Variants in ANAPC4 observed in about 807,000 individuals in gnomAD.
ANAPC4 encodes anaphase-promoting complex subunit 4.
Under a neutral mutation model 119.8 loss-of-function variants are expected in ANAPC4, and 63 were observed. That is an observed-to-expected ratio of 0.53 (90% CI 0.43 to 0.65). The LOEUF (loss-of-function observed/expected upper bound fraction) is 0.65. Ranked by LOEUF, ANAPC4 falls within the 30% of genes least tolerant of loss-of-function variation. The probability of loss-of-function intolerance (pLI) is 0.00; values close to 1 mark genes in which losing one functional copy is unlikely to be tolerated. For missense variants in ANAPC4, 716 were observed against 945.1 expected, an observed-to-expected ratio of 0.76 and a Z score of 3.18; for synonymous variants, 283 against 318.6, an observed-to-expected ratio of 0.89 and a Z score of 1.19.
At chr4:25,399,219 A>G (rs1463934441) in intron 16 of ANAPC4, among the ~76,000 whole-genome samples, 4 of 152,204 alleles carry the variant, frequency 2.6e-5, no homozygotes, top group Non-Finnish European at 4.4e-5. Flanking sequence ...ACCACAGTAC[A>G]GTTAACAAAT....
chr4:25,395,016 C>G, intron 14 of ANAPC4, 111 bp downstream of exon 14: 1 of 793,698 alleles, frequency 1.3e-6, no homozygotes, highest in Non-Finnish European at 2.0e-6. Context: ...CCTTTTCTAG[C>G]TAAAATTGTT....
intron 10 of ANAPC4, among the ~76,000 whole-genome samples, chr4:25,393,399 C>T (rs1463920872): frequency 6.6e-6 from 1 of 152,144 alleles, no homozygotes; most frequent in Non-Finnish European, 1.5e-5. Flanking sequence ...CAGTGGCGCA[C>T]ACCTATAATC....
Position 25,417,661 on chromosome 4 carries a change from T to C in ANAPC4, c.2121T>C (p.Phe707=), listed in dbSNP as rs9174. The change falls in exon 28 of 29, where the codon TTT becomes TTC. Residue 707 remains phenylalanine (F), a synonymous_variant. Transcript: ENST00000315368. ...CSAIPTRTMH[F]EKHWRLLESM... ...CTATTCCCACCCGTACCATGCATTT[T>C]GAGAAGCACTGGAGATTACTGGAAA... 925,966 of 1,612,298 alleles carry C rather than the reference T, an allele frequency of 0.57. 269,411 individuals carry two copies. Among genetic ancestry groups the C allele is most frequent in the African/African-American group, 0.62 (46,215 of 74,826 alleles).
intron 22 of ANAPC4, 126 bp downstream of exon 22, chr4:25,413,868 A>T: frequency 1.3e-6 from 1 of 765,542 alleles, no homozygotes; most frequent in Non-Finnish European, 2.1e-6. Flanking sequence ...ACTGTTTTTG[A>T]TTAACAAAAG....
chr4:25,395,024 G>T, intron 14 of ANAPC4, 119 bp downstream of exon 14: 1 of 717,472 alleles, frequency 1.4e-6, no homozygotes. Context: ...AGCTAAAATT[G>T]TTGCATGGCA....
chr4:25,416,713 C>A, intron 27 of ANAPC4, 115 bp downstream of exon 27: 1 of 784,686 alleles, frequency 1.3e-6, no homozygotes, highest in Non-Finnish European at 1.8e-6. Context: ...TAGAGATAAC[C>A]ACAGAGGTAG....
intron 16 of ANAPC4, among the ~76,000 whole-genome samples, chr4:25,398,934 G>C (rs574404598): frequency 6.6e-6 from 1 of 150,782 alleles, no homozygotes; most frequent in Non-Finnish European, 1.5e-5. Flanking sequence ...TTAGGGAGGG[G>C]GAGTGTAGAG....
rs112398271 is a variant in ANAPC4, at chr4:25,384,422, C to T, written c.368+1029C>T. Among the ~76,000 whole-genome samples the T allele has an allele frequency of 7.6e-3, 1,151 of 152,348 alleles. 9 individuals are homozygous for T. The highest frequency in any genetic ancestry group is 0.023 in the African/African-American group (974 of 41,584). On this transcript the variant is annotated intron_variant, in intron 4 of 28. Coordinates refer to ENST00000315368, the MANE Select transcript of ANAPC4 (RefSeq NM_013367.3). ...CATGAATTGTGAATGTTCTTAATGA[C>T]ATCCAGAATGGTGAATCCTTTCTAG...
At chr4:25,408,580 G>C (rs988182930) in intron 20 of ANAPC4, among the ~76,000 whole-genome samples, 5 of 150,598 alleles carry the variant, frequency 3.3e-5, no homozygotes, top group African/African-American at 1.2e-4. Flanking sequence ...GAGTAGTACA[G>C]TGGTGCAATC....
Position 25,418,344 on chromosome 4 carries a change from A to G in ANAPC4, c.2389A>G (p.Ile797Val). Residue 797 changes from isoleucine to valine, a missense_variant, in exon 29 of 29, where the codon ATT (isoleucine) becomes GTT (valine). Around this residue, in one of 3 missense-constraint regions of ANAPC4, gnomAD observed 504 missense variants for 615.8 expected, o/e 0.82. Coordinates refer to ENST00000315368, the MANE Select transcript of ANAPC4 (RefSeq NM_013367.3). ...GAAALAPEIV[I>V]KVEKLDPELD... Reference sequence around the variant, plus strand: ...TGCCGCTTTAGCTCCAGAGATAGTCATTAAAGTGGAAAAACTTGACCCTGA... The same window carrying G: ...TGCCGCTTTAGCTCCAGAGATAGTCGTTAAAGTGGAAAAACTTGACCCTGA... 1 of 1,614,098 alleles carries G rather than the reference A, an allele frequency of 6.2e-7. No homozygotes were observed. The highest frequency in any genetic ancestry group is 8.5e-7 in the Non-Finnish European group (1 of 1,179,954).
In ANAPC4 at chr4:25,414,650, A is replaced by G. The variant is rs376430898; in HGVS notation, c.1776A>G (p.Glu592=). ...NLHYLLFTIL[E]DSLYKMCILR... ...ATTATCTTCTTTTTACTATTCTAGAAGATTCACTTTATAAAATGTGCATCT... is the reference window on the plus strand; with the variant it reads ...ATTATCTTCTTTTTACTATTCTAGAGGATTCACTTTATAAAATGTGCATCT... The change falls in exon 25 of 29, where the codon GAA becomes GAG. Residue 592 remains glutamate (E), a synonymous_variant. Transcript: ENST00000315368. 1 of 1,552,140 alleles carries G rather than the reference A, an allele frequency of 6.4e-7. No homozygotes were observed. Among genetic ancestry groups the G allele is most frequent in the African/African-American group, 1.4e-5 (1 of 72,456 alleles).
In ANAPC4 at chr4:25,406,942, T is replaced by C. The variant is rs1442361596; in HGVS notation, c.1374+57T>C. ...AAAAAAAAATTACAGTAAACCTGGATAATGACAAGACATAATTAAATTTAA... is the reference window on the plus strand; with the variant it reads ...AAAAAAAAATTACAGTAAACCTGGACAATGACAAGACATAATTAAATTTAA... On this transcript the variant is annotated intron_variant, in intron 19 of 28. Transcript: ENST00000315368. 2.3e-6 allele frequency: 3 copies of C among 1,316,238 alleles called. No homozygotes were observed. The African/African-American group carries it at 4.4e-5, about 19-fold the overall frequency. 81.5% of individuals were successfully genotyped at this position (1,316,238 alleles called of 1,614,324 possible).
rs1447136815 is a variant in ANAPC4 at position 25,377,448 on chromosome 4, T to G, written c.21T>G (p.Cys7Trp). The change falls in exon 2 of 29, where the codon TGT becomes TGG. Residue 7 changes from cysteine (C) to tryptophan (W), a missense_variant. Around this residue, in one of 3 missense-constraint regions of ANAPC4, gnomAD observed 202 missense variants for 293.5 expected, o/e 0.69. Coordinates refer to ENST00000315368, the MANE Select transcript of ANAPC4 (RefSeq NM_013367.3). ...TCCCCATGTTGCGTTTTCCGACCTG[T>G]TTCCCATCCTTCCGGGTGGTGGGAG... MLRFPTCFPSFRVVGEK... is the reference protein window; with the variant it reads MLRFPTWFPSFRVVGEK... 1 of 1,614,104 alleles carries G rather than the reference T, an allele frequency of 6.2e-7. No homozygotes were observed. The highest frequency in any genetic ancestry group is 8.5e-7 in the Non-Finnish European group (1 of 1,179,984).
At chr4:25,397,639 G>T (rs1207545119) in intron 16 of ANAPC4, among the ~76,000 whole-genome samples, 1 of 152,074 alleles carries the variant, frequency 6.6e-6, no homozygotes, top group Non-Finnish European at 1.5e-5. Context: ...ATTCCCTGAG[G>T]GTTATTGGTT....
chr4:25,393,914 T>C (rs1722495401), intron 11 of ANAPC4, 23 bp downstream of exon 11: 3 of 1,574,568 alleles, frequency 1.9e-6, no homozygotes, highest in Non-Finnish European at 2.6e-6. Flanking sequence ...AAGTTTCCCA[T>C]GGAGAGAGTT....
intron 3 of ANAPC4, among the ~76,000 whole-genome samples, chr4:25,380,926 G>A (rs1721679985): frequency 1.3e-5 from 2 of 152,134 alleles, no homozygotes; most frequent in Non-Finnish European, 2.9e-5. Context: ...TCACCTGGGG[G>A]ACTATCACCT....
chr4:25,394,524 T>A, intron 12 of ANAPC4, 147 bp from the exon 13 acceptor site: 1 of 1,014,906 alleles, frequency 9.9e-7, no homozygotes. Context: ...ACTTACGGGG[T>A]ATATGTGATG....
At chr4:25,410,848 G>GA (rs1723517594) in intron 21 of ANAPC4, among the ~76,000 whole-genome samples, 1 of 152,054 alleles carries the variant, frequency 6.6e-6, no homozygotes, top group Non-Finnish European at 1.5e-5. Flanking sequence ...TTCGTGTTTA[G>GA]ACTTGAGTTC....
At chr4:25,381,338 GAGTGC>G in intron 3 of ANAPC4, among the ~76,000 whole-genome samples, 1 of 152,186 alleles carries the variant, frequency 6.6e-6, no homozygotes, top group South Asian at 2.1e-4. Flanking sequence ...GCCCAGGCTG[GAGTGC>G]AGTGCAGTGG....
Sources: allele counts gnomAD v4.1 joint callset (sites outside exome capture counted in the v4.1 genomes callset), GRCh38; gene constraint gnomAD v4.1.1; regional missense constraint gnomAD v4.1.1; transcripts MANE v1.5; gene names NCBI Gene and HGNC (gene_info 2026-07-23, HGNC 2026-07-21).